TTC17: variants seen among roughly 807,000 people sequenced by gnomAD.
TTC17 encodes tetratricopeptide repeat protein 17.
Under a neutral mutation model 143.8 loss-of-function variants are expected in TTC17, and 58 were observed. The ratio of observed to expected loss-of-function variants is 0.40; its 90% CI spans 0.33 to 0.50. The LOEUF (loss-of-function observed/expected upper bound fraction) is 0.50, where lower values mean the gene tolerates loss of function less well. Among genes scored for constraint, TTC17 ranks in the 20% least tolerant of loss-of-function variants. TTC17 has a pLI of 0.49. For missense variants in TTC17, 1,273 were observed against 1,392.5 expected, an observed-to-expected ratio of 0.91 and a Z score of 1.37; for synonymous variants, 501 against 497.8, an observed-to-expected ratio of 1.01 and a Z score of -0.09.
chr11:43,374,173 A>T (rs1325051331), intron 1 of TTC17, among the ~76,000 whole-genome samples: 1 of 152,244 alleles, frequency 6.6e-6, no homozygotes, highest in Non-Finnish European at 1.5e-5. Flanking sequence ...TTTTTGTGGG[A>T]AAGCACTCCC....
rs143971767 is a variant in TTC17, at chr11:43,400,535, A to G, written c.1219+487A>G. Among the ~76,000 whole-genome samples, 687 of 152,178 alleles carry G rather than the reference A, an allele frequency of 4.5e-3. 4 individuals are homozygous for G. Among genetic ancestry groups the G allele is most frequent in the African/African-American group, 0.016 (646 of 41,536 alleles). On this transcript the variant is annotated intron_variant, in intron 9 of 23. Transcript: ENST00000039989. ...ACAAGCCAGACCCACCCTACAAACA[A>G]CCCATCCATACTCCTTTTTTTCTTG... is the stretch of plus-strand genomic sequence containing the variant.
At chr11:43,431,391 A>G (rs1215077230) in intron 16 of TTC17, among the ~76,000 whole-genome samples, 1 of 152,196 alleles carries the variant, frequency 6.6e-6, no homozygotes, top group African/African-American at 2.4e-5. Flanking sequence ...TCCCACCAAC[A>G]GTGTAAAAGC....
Position 43,444,201 on chromosome 11 carries a change from G to A in TTC17, c.2657G>A (p.Gly886Glu). 1 of 1,599,888 alleles carries A rather than the reference G, an allele frequency of 6.3e-7. No individual in the cohort carries two copies. The highest frequency in any genetic ancestry group is 1.1e-5 in the South Asian group (1 of 87,610). Residue 886 changes from glycine to glutamate, a missense_variant, in exon 18 of 24, where the codon GGG becomes GAG. Gly to Glu is a moderately conservative substitution (Grantham distance 98, BLOSUM62 -2). Coordinates refer to ENST00000039989, the MANE Select transcript of TTC17 (RefSeq NM_018259.6). Reference protein sequence around the residue: ...EITGPKVASPGPQGKKRDYQR... With the variant: ...EITGPKVASPEPQGKKRDYQR... ...ACTGGCCCCAAGGTGGCATCTCCTG[G>A]GCCACAAGGTAAATTTGAATGTTTA...
At chr11:43,419,845 T>C (rs1234296082) in intron 16 of TTC17, among the ~76,000 whole-genome samples, 1 of 152,158 alleles carries the variant, frequency 6.6e-6, no homozygotes, top group African/African-American at 2.4e-5. Flanking sequence ...TGTGTACCAC[T>C]GCACCTGACT....
At chr11:43,360,675 T>G (rs1331145253) in intron 1 of TTC17, among the ~76,000 whole-genome samples, 2 of 152,184 alleles carry the variant, frequency 1.3e-5, no homozygotes, top group Non-Finnish European at 2.9e-5. Context: ...GTTTTATGTA[T>G]ATACTTAACA....
At chr11:43,489,572 T>C (rs1948436468) in intron 21 of TTC17, among the ~76,000 whole-genome samples, 1 of 152,048 alleles carries the variant, frequency 6.6e-6, no homozygotes, top group Non-Finnish European at 1.5e-5. Context: ...ACTCTATCTC[T>C]ACTAAAAATA....
chr11:43,371,366 G>A (rs186052208), intron 1 of TTC17, among the ~76,000 whole-genome samples: 37 of 152,294 alleles, frequency 2.4e-4, no homozygotes, highest in African/African-American at 8.7e-4. Flanking sequence ...CTTCAAGTTG[G>A]GGCTCCCATA....
intron 5 of TTC17, chr11:43,395,536 C>G (rs1281579078): frequency 6.6e-6 from 1 of 152,170 alleles, no homozygotes; most frequent in Non-Finnish European, 1.5e-5. Context: ...AAAACTGAAA[C>G]CTCGGCCACA....
chr11:43,478,603 T>C (rs1223906994), intron 21 of TTC17, among the ~76,000 whole-genome samples: 1 of 152,034 alleles, frequency 6.6e-6, no homozygotes. Context: ...TATTGTTTTA[T>C]TTATTTATTT....
chr11:43,468,890 A>C (rs570088768), intron 21 of TTC17, among the ~76,000 whole-genome samples: 28 of 152,270 alleles, frequency 1.8e-4, no homozygotes, highest in Non-Finnish European at 3.7e-4. Context: ...GTGCCACTGC[A>C]CTCCAGCTTA....
chr11:43,409,039 G>A (rs369958115), intron 15 of TTC17, among the ~76,000 whole-genome samples: 11 of 151,976 alleles, frequency 7.2e-5, no homozygotes, highest in Middle Eastern at 3.4e-3. Context: ...CACCACACCC[G>A]GCCCCAAAAA....
chr11:43,387,755 T>A (rs148071043), intron 2 of TTC17, among the ~76,000 whole-genome samples: 5 of 152,326 alleles, frequency 3.3e-5, no homozygotes, highest in African/African-American at 1.2e-4. Flanking sequence ...TATGTTACAT[T>A]GGCCAAAGCA....
intron 16 of TTC17, among the ~76,000 whole-genome samples, chr11:43,418,478 A>G (rs1218400815): frequency 6.6e-6 from 1 of 152,180 alleles, no homozygotes; most frequent in Non-Finnish European, 1.5e-5. Context: ...CCACATTTAT[A>G]GGCTTGTCAT....
At chr11:43,410,331 T>C (rs995962677) in intron 15 of TTC17, among the ~76,000 whole-genome samples, 5 of 152,218 alleles carry the variant, frequency 3.3e-5, no homozygotes, top group Non-Finnish European at 5.9e-5. Context: ...GCCCTTAAGT[T>C]TGCCAGTCTT....
At chr11:43,459,529 G>C (rs924559376) in intron 21 of TTC17, among the ~76,000 whole-genome samples, 2 of 152,156 alleles carry the variant, frequency 1.3e-5, no homozygotes, top group African/African-American at 2.4e-5. Flanking sequence ...CACTCCACCA[G>C]AGAGAAGCCA....
chr11:43,369,905 T>C (rs1204937004), intron 1 of TTC17, among the ~76,000 whole-genome samples: 2 of 152,194 alleles, frequency 1.3e-5, no homozygotes, highest in African/African-American at 4.8e-5. Flanking sequence ...CTTGAGCCAC[T>C]GCACCCGGCC....
chr11:43,451,053 TA>T, intron 20 of TTC17, 128 bp from the exon 21 acceptor site: 1 of 756,096 alleles, frequency 1.3e-6, no homozygotes, highest in South Asian at 2.2e-5. Flanking sequence ...ACCTTACCAA[TA>T]GGACCACAGC....
intron 16 of TTC17, among the ~76,000 whole-genome samples, chr11:43,442,718 A>G (rs979974271): frequency 1.3e-5 from 2 of 152,208 alleles, no homozygotes; most frequent in African/African-American, 4.8e-5. Context: ...AGAGTCTTCC[A>G]TAGGAGTCTT....
chr11:43,446,153 C>A, intron 18 of TTC17: 1 of 1,331,630 alleles, frequency 7.5e-7, no homozygotes, highest in Admixed American at 3.1e-5. Flanking sequence ...TTCTCTGAAC[C>A]AACCATGCTC....
Sources: allele counts gnomAD v4.1 joint callset (sites outside exome capture counted in the v4.1 genomes callset), GRCh38; gene constraint gnomAD v4.1.1; transcripts MANE v1.5; gene names NCBI Gene and HGNC (gene_info 2026-07-23, HGNC 2026-07-21).